The following ITGB6 variants were observed in gnomAD, a reference collection of about 807,000 sequenced individuals.
ITGB6 encodes integrin subunit beta 6.
A neutral mutation model predicts 84.5 loss-of-function variants in ITGB6; 80 were observed. The observed-to-expected ratio is 0.95, with a 90% CI of 0.79 to 1.14. The LOEUF is 1.14. Among genes scored for constraint, ITGB6 ranks in the 50% most tolerant of loss-of-function variants. ITGB6 has a pLI of 0.00. For missense variants in ITGB6, 1,006 were observed against 968.0 expected, an observed-to-expected ratio of 1.04 and a Z score of -0.52; for synonymous variants, 383 against 354.9, an observed-to-expected ratio of 1.08 and a Z score of -0.89.
At chr2:160,185,046 A>C (rs1574136255) in intron 4 of ITGB6, among the ~76,000 whole-genome samples, 1 of 152,338 alleles carries the variant, frequency 6.6e-6, no homozygotes, top group Non-Finnish European at 1.5e-5. Context: ...AAAAGCTGGA[A>C]GCATTCCCTT....
rs202016962 is a variant in ITGB6 at position 160,196,406 on chromosome 2, T to C, written c.156A>G (p.Pro52=). 283 of 1,609,990 alleles carry C rather than the reference T, an allele frequency of 1.8e-4. No individual in the cohort carries two copies. In the Admixed American group the frequency reaches 1.9e-3, roughly 11 times the overall value. ...AWCAQENFTH[P]SGVGERCDTP... is the part of the protein sequence containing the mutation. ...TATCACACCTTTCGCCAACTCCAGATGGATGAGTAAAATTCTAAAAAAGAA... is the reference window on the plus strand; with the variant it reads ...TATCACACCTTTCGCCAACTCCAGACGGATGAGTAAAATTCTAAAAAAGAA... Residue 52 remains proline (P), a synonymous_variant, in exon 3 of 15, where the codon CCA becomes CCG. Coordinates refer to ENST00000283249, the MANE Select transcript of ITGB6 (RefSeq NM_000888.5).
chr2:160,119,395 G>A (rs1345638882), intron 12 of ITGB6, among the ~76,000 whole-genome samples: 1 of 151,984 alleles, frequency 6.6e-6, no homozygotes, highest in East Asian at 1.9e-4. Context: ...TGACAAACCT[G>A]AGAAAAACAA....
intron 4 of ITGB6, among the ~76,000 whole-genome samples, chr2:160,193,815 G>T (rs1686231699): frequency 6.6e-6 from 1 of 152,180 alleles, no homozygotes. Flanking sequence ...TTATGGATCT[G>T]CCATACTACC....
intron 10 of ITGB6, among the ~76,000 whole-genome samples, chr2:160,133,321 CA>C (rs775383991): frequency 2.0e-5 from 3 of 152,100 alleles, no homozygotes; most frequent in Non-Finnish European, 4.4e-5. Context: ...AAGGCCATTA[CA>C]TAATGGTAAA....
chr2:160,116,805 A>C (rs1198298240), intron 12 of ITGB6, among the ~76,000 whole-genome samples: 1 of 152,116 alleles, frequency 6.6e-6, no homozygotes, highest in Non-Finnish European at 1.5e-5. Flanking sequence ...CTCAAAATAA[A>C]GGGATGGAGG....
chr2:160,188,492 C>T (rs1392969334), intron 4 of ITGB6, among the ~76,000 whole-genome samples: 1 of 152,142 alleles, frequency 6.6e-6, no homozygotes, highest in East Asian at 1.9e-4. Flanking sequence ...CCCTGCAGTG[C>T]TCTGGTCTCC....
intron 4 of ITGB6, among the ~76,000 whole-genome samples, chr2:160,175,758 C>G (rs1027131398): frequency 1.4e-4 from 22 of 152,288 alleles, no homozygotes; most frequent in Admixed American, 4.6e-4. Flanking sequence ...CATGTGGCGT[C>G]TTTAAATAGA....
intron 4 of ITGB6, among the ~76,000 whole-genome samples, chr2:160,190,022 C>A (rs1159654653): frequency 6.6e-6 from 1 of 151,948 alleles, no homozygotes. Flanking sequence ...TACTATGCAG[C>A]CATAAAAAAT....
chr2:160,149,952 G>A (rs1215138217), intron 7 of ITGB6, among the ~76,000 whole-genome samples: 3 of 152,156 alleles, frequency 2.0e-5, no homozygotes, highest in Non-Finnish European at 4.4e-5. Context: ...AAATAGGGAA[G>A]TATGTGAAAA....
At chr2:160,104,592 G>A (rs571345612) in intron 14 of ITGB6, among the ~76,000 whole-genome samples, 3 of 152,286 alleles carry the variant, frequency 2.0e-5, no homozygotes, top group South Asian at 4.1e-4. Flanking sequence ...ACTCTGTCAT[G>A]ACCCACAGCT....
At chr2:160,140,199 CTT>C (rs1355638102) in intron 8 of ITGB6, among the ~76,000 whole-genome samples, 5 of 152,172 alleles carry the variant, frequency 3.3e-5, no homozygotes, top group African/African-American at 1.2e-4. Context: ...CTATTACAGA[CTT>C]TGCCCTGTGA....
chr2:160,172,402 G>A (rs1213749126), intron 6 of ITGB6, among the ~76,000 whole-genome samples, 167 bp downstream of exon 6: 1 of 152,178 alleles, frequency 6.6e-6, no homozygotes, highest in African/African-American at 2.4e-5. Flanking sequence ...GCTCTGGTGG[G>A]AACCTCTGAG....
chr2:160,115,365 G>C (rs1173778438), intron 12 of ITGB6, among the ~76,000 whole-genome samples: 1 of 152,218 alleles, frequency 6.6e-6, no homozygotes, highest in Non-Finnish European at 1.5e-5. Flanking sequence ...AGCCACCACT[G>C]TTCTGCAGCC....
At chr2:160,131,020 T>G (rs537335638) in intron 10 of ITGB6, among the ~76,000 whole-genome samples, 92 of 152,224 alleles carry the variant, frequency 6.0e-4, no homozygotes, top group African/African-American at 2.1e-3. Context: ...TTTCCAAAGT[T>G]GCTAATTGAT....
chr2:160,118,665 G>A (rs531180869), intron 12 of ITGB6, among the ~76,000 whole-genome samples: 160 of 151,898 alleles, frequency 1.1e-3, no homozygotes, highest in African/African-American at 3.6e-3. Context: ...TTCTGGCCAG[G>A]GCAATTAGGC....
At chr2:160,104,217 G>A (rs1044677519) in intron 14 of ITGB6, among the ~76,000 whole-genome samples, 1 of 152,158 alleles carries the variant, frequency 6.6e-6, no homozygotes, top group Non-Finnish European at 1.5e-5. Flanking sequence ...TGGACGAAGA[G>A]CAAGTACATA....
chr2:160,101,286 C>G lies in ITGB6; in HGVS notation c.*450G>C, dbSNP rs1310356518. ...ATTTCTCAGAGATTTAAAAAAAATTCTCCTTTAAGAGAGGGCATATTTCCT... is the reference window on the plus strand; with the variant it reads ...ATTTCTCAGAGATTTAAAAAAAATTGTCCTTTAAGAGAGGGCATATTTCCT... On this transcript the variant is annotated 3_prime_UTR_variant, in exon 15 of 15. Coordinates refer to ENST00000283249, the MANE Select transcript of ITGB6 (RefSeq NM_000888.5). The G allele has an allele frequency of 6.5e-6, 1 of 153,590 alleles. No individual in the cohort carries two copies. The highest frequency in any genetic ancestry group is 1.4e-5 in the Non-Finnish European group (1 of 69,186). The allele number at this position is 153,590 out of a possible 1,614,324, so 9.5% of individuals were successfully genotyped here.
chr2:160,153,946 A>G (rs1185566690), intron 7 of ITGB6, among the ~76,000 whole-genome samples: 1 of 152,230 alleles, frequency 6.6e-6, no homozygotes, highest in Admixed American at 6.5e-5. Flanking sequence ...GATGCTGGAG[A>G]GGATGTGGAG....
chr2:160,193,836 C>T (rs1174654979), intron 4 of ITGB6, among the ~76,000 whole-genome samples: 2 of 152,140 alleles, frequency 1.3e-5, no homozygotes, highest in South Asian at 4.1e-4. Flanking sequence ...CCTGAATGGC[C>T]TTTCTCTGTA....
Sources: allele counts gnomAD v4.1 joint callset (sites outside exome capture counted in the v4.1 genomes callset), GRCh38; gene constraint gnomAD v4.1.1; transcripts MANE v1.5; gene names NCBI Gene and HGNC (gene_info 2026-07-23, HGNC 2026-07-21).